OCA2: variants seen among roughly 807,000 people sequenced by gnomAD.
OCA2 encodes the protein OCA2 melanosomal transmembrane protein.
OCA2 carries 77 observed loss-of-function variants against 100.2 expected under a neutral mutation model. The observed-to-expected ratio is 0.77, with a 90% CI of 0.64 to 0.93. The LOEUF is 0.93. Ranked by LOEUF, OCA2 falls within the 40% of genes least tolerant of loss-of-function variation. The pLI is 0.00. For synonymous variants in OCA2, 432 were observed against 439.2 expected (o/e 0.98, Z 0.21); for missense variants, 1,062 against 1,089.1 (o/e 0.98, Z 0.35).
chr15:28,083,906 C>T (rs765662598), intron 1 of OCA2, among the ~76,000 whole-genome samples: 21 of 152,206 alleles, frequency 1.4e-4, no homozygotes, highest in South Asian at 4.1e-4. Context: ...CATTGCCCCT[C>T]CTAAAACACC....
downstream of OCA2, among the ~76,000 whole-genome samples, chr15:27,752,900 G>A (rs2030121936): frequency 6.7e-6 from 1 of 148,306 alleles, no homozygotes; most frequent in African/African-American, 2.5e-5. Context: ...CCCAATGTGG[G>A]CAGACACCTA....
chr15:28,052,927 G>A (rs561813323), intron 2 of OCA2, among the ~76,000 whole-genome samples: 3 of 152,310 alleles, frequency 2.0e-5, no homozygotes, highest in South Asian at 2.1e-4. Flanking sequence ...CAAGTATAAC[G>A]CAAGGTGAAG....
At chr15:27,966,399 T>C (rs1044015224) in intron 15 of OCA2, among the ~76,000 whole-genome samples, 3 of 152,318 alleles carry the variant, frequency 2.0e-5, no homozygotes, top group South Asian at 2.1e-4. Context: ...TATATGTTAG[T>C]GTATTTGTAC....
chr15:27,805,939 G>A (rs2033826933), intron 23 of OCA2, among the ~76,000 whole-genome samples: 1 of 152,222 alleles, frequency 6.6e-6, no homozygotes, highest in Non-Finnish European at 1.5e-5. Flanking sequence ...CCGCCTCCAG[G>A]CCGAATGGCC....
At chr15:28,061,518 T>C (rs1352819567) in intron 2 of OCA2, among the ~76,000 whole-genome samples, 3 of 152,114 alleles carry the variant, frequency 2.0e-5, no homozygotes, top group African/African-American at 7.2e-5. Flanking sequence ...AAGACATGTA[T>C]GGTCCATACA....
rs10534274 is a variant in OCA2, at chr15:28,074,003, G to GAC, written c.227+7643_227+7644dup. Among the ~76,000 whole-genome samples, 1,312 of 146,300 alleles carry GAC rather than the reference G, an allele frequency of 9.0e-3. 6 individuals are homozygous for GAC. The highest frequency in any genetic ancestry group is 0.013 in the South Asian group (61 of 4,588). On this transcript the variant is annotated intron_variant, in intron 2 of 23. Coordinates refer to ENST00000354638, the MANE Select transcript of OCA2 (RefSeq NM_000275.3). ...TACCCAAGTGATAAAATGACAGACAGACACACACACACACACACACACACA... is the reference window on the plus strand; with the variant it reads ...TACCCAAGTGATAAAATGACAGACAGACACACACACACACACACACACACACA...
At chr15:27,993,619 A>G (rs1331462616) in intron 9 of OCA2, among the ~76,000 whole-genome samples, 1 of 152,036 alleles carries the variant, frequency 6.6e-6, no homozygotes, top group Non-Finnish European at 1.5e-5. Flanking sequence ...TCTCACTGAC[A>G]CCCCTAGCAC....
intron 2 of OCA2, among the ~76,000 whole-genome samples, chr15:28,050,471 G>C (rs2043475972): frequency 6.6e-6 from 1 of 151,042 alleles, no homozygotes; most frequent in Non-Finnish European, 1.5e-5. Flanking sequence ...TGAGGCAGGA[G>C]AATAGCTTGA....
intron 23 of OCA2, among the ~76,000 whole-genome samples, chr15:27,771,359 CGAGAGGCCCCGG>C (rs1395338499): frequency 6.7e-6 from 1 of 149,610 alleles, no homozygotes; most frequent in Non-Finnish European, 1.5e-5. Context: ...GCCCTGCCTG[CGAGAGGCCCCGG>C]GGGAGAGAGA....
intron 23 of OCA2, among the ~76,000 whole-genome samples, chr15:27,757,174 G>A (rs932465484): frequency 6.6e-6 from 1 of 151,844 alleles, no homozygotes; most frequent in Non-Finnish European, 1.5e-5. Context: ...GTTTGCTCTG[G>A]TGTGACAATC....
At chr15:27,939,814 A>C (rs2039583345) in intron 18 of OCA2, among the ~76,000 whole-genome samples, 1 of 152,252 alleles carries the variant, frequency 6.6e-6, no homozygotes, top group Non-Finnish European at 1.5e-5. Context: ...ATGAACAAGC[A>C]GCTAAAGTAT....
At chr15:27,903,010 G>C (rs1342433310) in intron 19 of OCA2, among the ~76,000 whole-genome samples, 1 of 152,186 alleles carries the variant, frequency 6.6e-6, no homozygotes, top group African/African-American at 2.4e-5. Context: ...CCGGGTCAGG[G>C]AGGCCACGAG....
At chr15:27,770,115 A>G (rs192613948) in intron 23 of OCA2, among the ~76,000 whole-genome samples, 6 of 152,354 alleles carry the variant, frequency 3.9e-5, no homozygotes, top group African/African-American at 1.4e-4. Flanking sequence ...AAGCATGGAA[A>G]TACAATATCC....
chr15:27,775,212 T>G (rs905829142), intron 23 of OCA2, among the ~76,000 whole-genome samples: 4 of 152,252 alleles, frequency 2.6e-5, no homozygotes, highest in African/African-American at 9.6e-5. Flanking sequence ...CTACGGGATA[T>G]GCTGGCTGAG....
At chr15:28,079,300 T>G (rs759843197) in intron 2 of OCA2, among the ~76,000 whole-genome samples, 20 of 54,326 alleles carry the variant, frequency 3.7e-4, no homozygotes, top group Admixed American at 2.5e-3. Flanking sequence ...AAGATTACTG[T>G]TTTTTTTTTT....
At chr15:28,057,791 GAAC>G (rs1180446829) in intron 2 of OCA2, among the ~76,000 whole-genome samples, 10 of 150,346 alleles carry the variant, frequency 6.7e-5, no homozygotes, top group Non-Finnish European at 1.0e-4. Flanking sequence ...GAACAGGTGG[GAAC>G]AACGTCATCA....
intron 18 of OCA2, among the ~76,000 whole-genome samples, chr15:27,948,155 G>T (rs2039908013): frequency 6.6e-6 from 1 of 152,174 alleles, no homozygotes; most frequent in African/African-American, 2.4e-5. Context: ...GACGAGGAAA[G>T]AAATCATAAG....
At chr15:27,890,705 G>C (rs1009726940) in intron 19 of OCA2, among the ~76,000 whole-genome samples, 7 of 152,146 alleles carry the variant, frequency 4.6e-5, no homozygotes, top group African/African-American at 1.7e-4. Flanking sequence ...TTGGCTAAAA[G>C]AAGTTCTTCA....
chr15:27,750,368 G>A (rs777599323), downstream of OCA2, among the ~76,000 whole-genome samples: 1 of 152,092 alleles, frequency 6.6e-6, no homozygotes, highest in Non-Finnish European at 1.5e-5. Context: ...AGGCTTGAAC[G>A]GGCCAAATTC....
Sources: allele counts gnomAD v4.1 joint callset (sites outside exome capture counted in the v4.1 genomes callset), GRCh38; gene constraint gnomAD v4.1.1; transcripts MANE v1.5; gene names NCBI Gene and HGNC (gene_info 2026-07-23, HGNC 2026-07-21).